Variants in RTL4 observed in about 807,000 individuals in gnomAD.
RTL4 encodes the protein retrotransposon Gag-like protein 4.
A neutral mutation model predicts 5.3 loss-of-function variants in RTL4; 4 were observed. That is an observed-to-expected ratio of 0.75 (90% CI 0.37 to 1.72). RTL4 has a LOEUF of 1.72. RTL4 is among the 40% of genes most tolerant of loss of function. The pLI is 0.04. For synonymous variants in RTL4, 98 were observed against 87.3 expected, an observed-to-expected ratio of 1.12 and a Z score of -0.68; for missense variants, 260 against 227.1, an observed-to-expected ratio of 1.14 and a Z score of -0.93.
chrX:112,393,155 T>TTG, the RTL4 span, among the ~76,000 whole-genome samples: 1 of 96,338 alleles, frequency 1.0e-5, no homozygotes, highest in African/African-American at 5.0e-5. Flanking sequence ...TTCTTTTTTT[T>TTG]TTTTTGTTTT....
the RTL4 span, among the ~76,000 whole-genome samples, chrX:112,114,172 G>A: frequency 1.8e-5 from 2 of 111,388 alleles, no homozygotes; most frequent in African/African-American, 6.5e-5. Flanking sequence ...GAGTTATGGT[G>A]GACATCATTG....
At chrX:112,432,250 A>C in the RTL4 span, among the ~76,000 whole-genome samples, 1 of 100,126 alleles carries the variant, frequency 1.0e-5, no homozygotes, top group Admixed American at 1.1e-4. Flanking sequence ...ATACCCAGTA[A>C]TGGGATGGCT....
At chrX:112,275,366 C>A in the RTL4 span, among the ~76,000 whole-genome samples, 1 of 110,847 alleles carries the variant, frequency 9.0e-6, no homozygotes, top group African/African-American at 3.3e-5. Flanking sequence ...TTTGGACTAG[C>A]CCTAGAGTTA....
chrX:112,245,385 TG>T, the RTL4 span, among the ~76,000 whole-genome samples: 2 of 111,785 alleles, frequency 1.8e-5, no homozygotes, highest in Non-Finnish European at 3.8e-5. Context: ...TTGGAGGCTT[TG>T]TTCATTTCTT....
At chrX:112,363,525 A>C in the RTL4 span, among the ~76,000 whole-genome samples, 4 of 110,458 alleles carry the variant, frequency 3.6e-5, no homozygotes, top group South Asian at 3.9e-4. Flanking sequence ...CATACTTATG[A>C]GTATGAGAAG....
At chrX:112,350,998 G>A in the RTL4 span, among the ~76,000 whole-genome samples, 10,663 of 110,800 alleles carry the variant, frequency 0.096, 535 homozygotes, top group Non-Finnish European at 0.14. Flanking sequence ...TCTCCTGTGG[G>A]CATTTAGTGC....
the RTL4 span, among the ~76,000 whole-genome samples, chrX:112,380,258 C>T: frequency 9.1e-6 from 1 of 109,834 alleles, no homozygotes; most frequent in Non-Finnish European, 1.9e-5. Context: ...GCCATTCTCC[C>T]GCCTCAGCCT....
At chrX:112,288,725 A>G in the RTL4 span, among the ~76,000 whole-genome samples, 7 of 111,662 alleles carry the variant, frequency 6.3e-5, no homozygotes, top group African/African-American at 2.3e-4. Flanking sequence ...ACCCAGGCTA[A>G]TGGAATAACT....
At chrX:112,238,514 G>A in the RTL4 span, among the ~76,000 whole-genome samples, 1 of 111,085 alleles carries the variant, frequency 9.0e-6, no homozygotes, top group African/African-American at 3.3e-5. Context: ...TACAAAGAGT[G>A]CTGGAATGGC....
the RTL4 span, among the ~76,000 whole-genome samples, chrX:112,424,731 A>G: frequency 9.0e-6 from 1 of 111,255 alleles, no homozygotes; most frequent in South Asian, 3.7e-4. Context: ...GAATTTAAGA[A>G]ATATTTTACT....
At chrX:112,220,490 T>C in the RTL4 span, among the ~76,000 whole-genome samples, 1 of 112,780 alleles carries the variant, frequency 8.9e-6, no homozygotes. Context: ...ATCTCTGACA[T>C]GCCCCGGAGA....
chrX:112,114,377 G>A, the RTL4 span, among the ~76,000 whole-genome samples: 4 of 111,621 alleles, frequency 3.6e-5, no homozygotes, highest in African/African-American at 1.3e-4. Flanking sequence ...AAGATACCGG[G>A]TATCTCCAAA....
At chrX:112,191,465 C>T in the RTL4 span, among the ~76,000 whole-genome samples, 1 of 111,477 alleles carries the variant, frequency 9.0e-6, no homozygotes, top group African/African-American at 3.3e-5. Flanking sequence ...TTGTTGGCAT[C>T]CTAGGGTATC....
the RTL4 span, among the ~76,000 whole-genome samples, chrX:112,444,840 A>G: frequency 1.8e-5 from 2 of 111,959 alleles, no homozygotes; most frequent in Admixed American, 1.9e-4. Flanking sequence ...AATTTCCACG[A>G]TATCAGTTGT....
At chrX:112,232,946 T>C in the RTL4 span, among the ~76,000 whole-genome samples, 4 of 111,135 alleles carry the variant, frequency 3.6e-5, no homozygotes, top group Non-Finnish European at 7.5e-5. Flanking sequence ...GGGATGGTGA[T>C]GGTATTACAG....
the RTL4 span, among the ~76,000 whole-genome samples, chrX:112,134,093 A>T: frequency 2.7e-5 from 3 of 112,324 alleles, no homozygotes; most frequent in Admixed American, 9.5e-5. Context: ...TCTTCTTTTT[A>T]GTTGTGGAGT....
chrX:112,172,088 C>G, the RTL4 span, among the ~76,000 whole-genome samples: 1 of 112,443 alleles, frequency 8.9e-6, no homozygotes, highest in Non-Finnish European at 1.9e-5. Context: ...AATCTCAGCA[C>G]TTTGGGAGGC....
the RTL4 span, among the ~76,000 whole-genome samples, chrX:112,329,622 C>G: frequency 9.2e-6 from 1 of 109,107 alleles, no homozygotes; most frequent in African/African-American, 3.4e-5. Flanking sequence ...CTATTCCAAT[C>G]AATAGAAAAA....
chrX:112,270,363 G>A, the RTL4 span, among the ~76,000 whole-genome samples: 1 of 112,398 alleles, frequency 8.9e-6, no homozygotes, highest in Non-Finnish European at 1.9e-5. Context: ...CTGGATATCT[G>A]TTTTTCAATT....
Sources: gnomAD v4.1 joint callset for allele counts (sites outside exome capture counted in the v4.1 genomes callset) on GRCh38, gnomAD v4.1.1 for gene constraint, MANE v1.5 for transcripts, NCBI Gene and HGNC (gene_info 2026-07-23, HGNC 2026-07-21) for gene names.